Variants in CELF4 observed in about 807,000 individuals in gnomAD.
CELF4 encodes the protein CUGBP Elav-like family member 4.
Under a neutral mutation model 59.9 loss-of-function variants are expected in CELF4, and 18 were observed. The observed-to-expected ratio is 0.30, with a 90% CI of 0.21 to 0.45. The LOEUF is 0.45. Among genes scored for constraint, CELF4 ranks in the 20% least tolerant of loss-of-function variants. The pLI is 1.00. For missense variants in CELF4, 456 were observed against 689.0 expected (o/e 0.66, Z 3.79); for synonymous variants, 261 against 267.1 (o/e 0.98, Z 0.22).
intron 2 of CELF4, among the ~76,000 whole-genome samples, chr18:37,349,200 G>A (rs969892696): frequency 4.6e-5 from 7 of 152,236 alleles, no homozygotes; most frequent in African/African-American, 1.7e-4. Context: ...GGTTTCGGCA[G>A]TTCCCAGTTT....
intron 1 of CELF4, among the ~76,000 whole-genome samples, chr18:37,514,742 T>C (rs942394645): frequency 2.0e-5 from 3 of 152,174 alleles, no homozygotes; most frequent in Non-Finnish European, 4.4e-5. Context: ...ATATATGATT[T>C]TTCCCCCTCT....
rs2098601223 is a variant in CELF4 at position 37,357,052 on chromosome 18, A to C, written c.370-35171T>G. Among the ~76,000 whole-genome samples, 4 of 152,192 alleles carry C rather than the reference A, an allele frequency of 2.6e-5. No homozygotes were observed. In the South Asian group the frequency reaches 8.3e-4, roughly 32 times the overall value. ...GTTCCACCACTCGCTTCACTGGGTC[A>C]CACCCATGCCTTTTAGCCTGAAATG... On this transcript the variant is annotated intron_variant, in intron 2 of 12. Coordinates refer to ENST00000420428, the MANE Select transcript of CELF4 (RefSeq NM_020180.4).
intron 3 of CELF4, among the ~76,000 whole-genome samples, chr18:37,311,763 T>C (rs1487533108): frequency 1.6e-5 from 2 of 128,318 alleles, no homozygotes; most frequent in Non-Finnish European, 3.1e-5. Flanking sequence ...CACTCCAGCC[T>C]GGGCGACAGA....
chr18:37,510,119 C>T (rs1409082278), intron 1 of CELF4, among the ~76,000 whole-genome samples: 1 of 152,088 alleles, frequency 6.6e-6, no homozygotes, highest in Non-Finnish European at 1.5e-5. Flanking sequence ...GTACTAAATG[C>T]CACTGAATTG....
intron 2 of CELF4, among the ~76,000 whole-genome samples, chr18:37,338,868 T>C (rs2097883441): frequency 6.6e-6 from 1 of 151,888 alleles, no homozygotes; most frequent in Non-Finnish European, 1.5e-5. Flanking sequence ...CCCAGCGCTG[T>C]GCCCCAGGGC....
intron 2 of CELF4, among the ~76,000 whole-genome samples, chr18:37,411,057 C>T (rs565927806): frequency 4.6e-5 from 7 of 152,046 alleles, no homozygotes; most frequent in East Asian, 1.9e-4. Context: ...CCTGGGCTCA[C>T]GAGATCCTCC....
At chr18:37,392,502 G>C (rs1454724681) in intron 2 of CELF4, among the ~76,000 whole-genome samples, 1 of 152,200 alleles carries the variant, frequency 6.6e-6, no homozygotes, top group Non-Finnish European at 1.5e-5. Context: ...GAGAGGAGCG[G>C]GGAAGAGGCA....
intron 2 of CELF4, among the ~76,000 whole-genome samples, chr18:37,385,596 T>C (rs601296): frequency 0.87 from 132,226 of 152,042 alleles, 57,759 homozygotes; most frequent in African/African-American, 0.95. Context: ...CAGCCCACAA[T>C]ACCCTCTTGC....
chr18:37,283,694 G>A (rs914011323), intron 3 of CELF4, among the ~76,000 whole-genome samples: 2 of 152,002 alleles, frequency 1.3e-5, no homozygotes, highest in Non-Finnish European at 2.9e-5. Flanking sequence ...CCCTGGAGAT[G>A]AGTAGGCACT....
chr18:37,376,628 G>C (rs146719991), intron 2 of CELF4, among the ~76,000 whole-genome samples: 1 of 152,344 alleles, frequency 6.6e-6, no homozygotes, highest in East Asian at 1.9e-4. Flanking sequence ...ATCCTCAGGA[G>C]TGTGGGGCTC....
rs539802968 is a variant in CELF4, at chr18:37,417,675, G to A, written c.369+67850C>T. Among the ~76,000 whole-genome samples the A allele has an allele frequency of 1.1e-3, 164 of 152,212 alleles. 1 individual carries two copies. Among genetic ancestry groups the A allele is most frequent in the Non-Finnish European group, 2.0e-3 (134 of 68,038 alleles). Reference sequence around the variant, plus strand: ...AGGGCCCATCAGGTCAAATAGGAGAGAGACGGGGTCAGTAGGACAGTATCC... The same window carrying A: ...AGGGCCCATCAGGTCAAATAGGAGAAAGACGGGGTCAGTAGGACAGTATCC... On this transcript the variant is annotated intron_variant, in intron 2 of 12. Transcript: ENST00000420428.
At chr18:37,413,794 T>C (rs751191967) in intron 2 of CELF4, among the ~76,000 whole-genome samples, 3 of 152,238 alleles carry the variant, frequency 2.0e-5, no homozygotes, top group Non-Finnish European at 2.9e-5. Flanking sequence ...TCCTCCCTTA[T>C]GTGCAGTGCC....
intron 9 of CELF4, among the ~76,000 whole-genome samples, chr18:37,265,897 G>A (rs868837900): frequency 6.6e-6 from 1 of 152,154 alleles, no homozygotes; most frequent in South Asian, 2.1e-4. Context: ...GGATGATGAT[G>A]GGGTGCTGTG....
At chr18:37,468,051 G>C (rs991536455) in intron 2 of CELF4, among the ~76,000 whole-genome samples, 1 of 152,224 alleles carries the variant, frequency 6.6e-6, no homozygotes, top group South Asian at 2.1e-4. Context: ...CATCTTGCAC[G>C]TGTGTGCATA....
At chr18:37,472,126 G>A (rs56178991) in intron 2 of CELF4, among the ~76,000 whole-genome samples, 1,817 of 152,344 alleles carry the variant, frequency 0.012, 17 homozygotes, top group Non-Finnish European at 0.02. Flanking sequence ...GCCTCATGTG[G>A]GGGATTGTGC....
At position 37,274,941 on chromosome 18, in the gene CELF4, G is replaced by A. The variant is rs892502015; in HGVS notation, c.578-57C>T. The A allele has an allele frequency of 1.5e-5, 24 of 1,581,214 alleles. No homozygotes were observed. The Middle Eastern group carries it at 5.0e-4, about 33-fold the overall frequency. ...CAGAAGCAGGGCCAGGGAGGGGCCG[G>A]GAGGAGAGGGCGCATCCCAGGTGAA... On this transcript the variant is annotated intron_variant, in intron 4 of 12. Transcript: ENST00000420428.
intron 2 of CELF4, among the ~76,000 whole-genome samples, chr18:37,438,518 G>A (rs1206738605): frequency 6.6e-6 from 1 of 152,142 alleles, no homozygotes; most frequent in Non-Finnish European, 1.5e-5. Flanking sequence ...ACCTCTCAAT[G>A]TCGTGCACCC....
chr18:37,414,841 C>A (rs1429974997), intron 2 of CELF4, among the ~76,000 whole-genome samples: 1 of 151,956 alleles, frequency 6.6e-6, no homozygotes, highest in Non-Finnish European at 1.5e-5. Flanking sequence ...ATCCATCTAC[C>A]CATCCACTCA....
chr18:37,512,019 C>A (rs931878641), intron 1 of CELF4, among the ~76,000 whole-genome samples: 11 of 152,128 alleles, frequency 7.2e-5, no homozygotes, highest in African/African-American at 2.4e-4. Flanking sequence ...GAAAGAAAGA[C>A]AGAAAAAACC....
Sources: gnomAD v4.1 joint callset for allele counts (sites outside exome capture counted in the v4.1 genomes callset) on GRCh38, gnomAD v4.1.1 for gene constraint, MANE v1.5 for transcripts, NCBI Gene and HGNC (gene_info 2026-07-23, HGNC 2026-07-21) for gene names.